DNAH5: variants seen among roughly 807,000 people sequenced by gnomAD.
DNAH5 encodes the protein dynein axonemal heavy chain 5.
A neutral mutation model predicts 518.2 loss-of-function variants in DNAH5; 372 were observed. The observed-to-expected ratio is 0.72, with a 90% confidence interval of 0.66 to 0.78. DNAH5 has a LOEUF of 0.78. DNAH5 is among the 30% of genes least tolerant of loss of function. The pLI is 0.00. For synonymous variants in DNAH5, 2,039 were observed against 2,025.9 expected (o/e 1.01, Z -0.17); for missense variants, 5,523 against 5,687.0 (o/e 0.97, Z 0.93).
chr5:13,892,658 T>C (rs1050467458), intron 16 of DNAH5, among the ~76,000 whole-genome samples: 1 of 152,234 alleles, frequency 6.6e-6, no homozygotes, highest in African/African-American at 2.4e-5. Context: ...AAATTGTTAA[T>C]ACTTTAATAC....
intron 31 of DNAH5, among the ~76,000 whole-genome samples, chr5:13,847,605 T>C (rs1766193133): frequency 6.6e-6 from 1 of 151,664 alleles, no homozygotes; most frequent in Non-Finnish European, 1.5e-5. Context: ...GCCCCTGTAT[T>C]CCCAGCTACT....
upstream of DNAH5, among the ~76,000 whole-genome samples, chr5:13,948,971 G>A (rs1279676946): frequency 2.0e-5 from 3 of 152,100 alleles, no homozygotes; most frequent in African/African-American, 7.2e-5. Context: ...CTCCTCTAGA[G>A]AAATCCTGGT....
At position 13,850,656 on chromosome 5, in the gene DNAH5, T is replaced by C. The variant is rs766353067; in HGVS notation, c.5110A>G (p.Thr1704Ala). 5.6e-6 allele frequency: 9 copies of C among 1,613,798 alleles called. No individual in the cohort carries two copies. In the East Asian group the frequency reaches 1.1e-4, roughly 20 times the overall value. Residue 1704 changes from threonine to alanine, a missense_variant, in exon 31 of 79, where the codon ACT (threonine) becomes GCT (alanine). By Grantham distance (58) the Thr-to-Ala change is moderately conservative (BLOSUM62 0). Around this residue, in one of 3 missense-constraint regions of DNAH5, gnomAD observed 5,121 missense variants for 5,223.3 expected, o/e 0.98. Coordinates refer to ENST00000265104, the MANE Select transcript of DNAH5 (RefSeq NM_001369.3). ...DQLEICQKSL[T>A]GYLEKKRLCF... is the part of the protein sequence containing the mutation. ...TCAAAGAGCCAGTGAACTTACCCAG[T>C]AAGGGATTTCTGGCATATTTCCAAC... is the stretch of plus-strand genomic sequence containing the variant.
In DNAH5 at chr5:13,754,340, TAACA is replaced by T. The variant is rs1414116795; in HGVS notation, c.10420-6_10420-3del. The T allele has an allele frequency of 6.2e-7, 1 of 1,614,100 alleles. No individual in the cohort carries two copies. Among genetic ancestry groups the T allele is most frequent in the Non-Finnish European group, 8.5e-7 (1 of 1,179,962 alleles). ...TCGCTCTGCATCTTCAAGCAAGGTC[TAACA>T]AAGGTCATAATCACAAGAAAGCTTT... On this transcript the variant is annotated splice_region_variant and splice_polypyrimidine_tract_variant and intron_variant, in intron 61 of 78. Coordinates refer to ENST00000265104, the MANE Select transcript of DNAH5 (RefSeq NM_001369.3).
chr5:13,901,914 A>T, intron 13 of DNAH5, 139 bp downstream of exon 13: 1 of 666,978 alleles, frequency 1.5e-6, no homozygotes, highest in African/African-American at 1.8e-5. Context: ...AAAAACTTAA[A>T]AACTATGACC....
rs113780581 is a variant in DNAH5 at position 13,720,926 on chromosome 5, T to C, written c.12279+74A>G. The C allele has an allele frequency of 1.2e-5, 19 of 1,601,334 alleles. No homozygotes were observed. In the African/African-American group the frequency reaches 1.7e-4, roughly 15 times the overall value. On this transcript the variant is annotated intron_variant, in intron 71 of 78. Transcript: ENST00000265104. Reference sequence around the variant, plus strand: ...AAATTTAAACTCCTAATGATTTATATTTTTCTTCTGCATTGCTATTCTATA... The same window carrying C: ...AAATTTAAACTCCTAATGATTTATACTTTTCTTCTGCATTGCTATTCTATA...
Position 13,810,109 on chromosome 5 carries a change from G to A in DNAH5, c.7559C>T (p.Pro2520Leu), listed in dbSNP as rs1234844527. The change falls in exon 45 of 79, where the codon CCG becomes CTG. Residue 2520 changes from proline to leucine, a missense_variant. Around this residue, in one of 3 missense-constraint regions of DNAH5, gnomAD observed 5,121 missense variants for 5,223.3 expected, o/e 0.98. Coordinates refer to ENST00000265104, the MANE Select transcript of DNAH5 (RefSeq NM_001369.3). ...SRPTGTLELP[P>L]PAGPGDTAFD... ...GGCGGTGTCCCCGGGCCCCGCTGGC[G>A]GCGGCAGCTCCAGCGTCCCTGTGGG... 7.1e-6 allele frequency: 11 copies of A among 1,551,214 alleles called. No homozygotes were observed. The highest frequency in any genetic ancestry group is 1.4e-5 in the African/African-American group (1 of 73,262).
At chr5:13,833,131 C>CAAAAAAAAAAA (rs57578159) in intron 35 of DNAH5, among the ~76,000 whole-genome samples, 11 of 140,256 alleles carry the variant, frequency 7.8e-5, no homozygotes, top group African/African-American at 2.5e-4. Context: ...ATGTGTTATC[C>CAAAAAAAAAAA]AAAAAAAAAA....
rs912843469 is a variant in DNAH5, at chr5:13,737,528, A to T, written c.11212-33T>A. On this transcript the variant is annotated intron_variant, in intron 65 of 78. Coordinates refer to ENST00000265104, the MANE Select transcript of DNAH5 (RefSeq NM_001369.3). ...TTTGCATAAATATATTTTCTACCTC[A>T]ATTAACAACTCTTGTTGAGTATTCC... 7 of 1,606,542 alleles carry T rather than the reference A, an allele frequency of 4.4e-6. No individual in the cohort carries two copies. In the Admixed American group the frequency reaches 5.0e-5, roughly 12 times the overall value.
rs1774619263 is a variant in DNAH5, at chr5:13,901,479, T to C, written c.1825A>G (p.Lys609Glu). Residue 609 changes from lysine to glutamate, a missense_variant, in exon 14 of 79, where the codon AAG becomes GAG. Lys to Glu is a moderately conservative substitution (Grantham distance 56). Coordinates refer to ENST00000265104, the MANE Select transcript of DNAH5 (RefSeq NM_001369.3). ...GCCAGAGGAGGATCGTATTTCTGCT[T>C]TGTATACAGCTTTGAAATCATATCA... ...DIDMISKLYTKQKYDPPLARN... is the reference protein window; with the variant it reads ...DIDMISKLYTEQKYDPPLARN... 6.2e-7 allele frequency: 1 copy of C among 1,613,828 alleles called. No individual in the cohort carries two copies.
Position 13,841,805 on chromosome 5 carries a change from A to T in DNAH5, c.5371T>A (p.Ser1791Thr). Reference sequence around the variant, plus strand: ...GAGGACTGAGATTCTTCCAAAAGAGAATTAAGCCAAACTTCCACATTGCCC... The same window carrying T: ...GAGGACTGAGATTCTTCCAAAAGAGTATTAAGCCAAACTTCCACATTGCCC... Reference protein sequence around the residue: ...AEGNVEVWLNSLLEESQSSLH... With the variant: ...AEGNVEVWLNTLLEESQSSLH... The change falls in exon 33 of 79, where the codon TCT (serine) becomes ACT (threonine). Residue 1791 changes from serine to threonine, a missense_variant. Physicochemically the swap from Ser to Thr is moderately conservative, Grantham distance 58. Transcript: ENST00000265104. 1 of 1,613,638 alleles carries T rather than the reference A, an allele frequency of 6.2e-7. No individual in the cohort carries two copies. Among genetic ancestry groups the T allele is most frequent in the Non-Finnish European group, 8.5e-7 (1 of 1,179,712 alleles).
intron 61 of DNAH5, among the ~76,000 whole-genome samples, chr5:13,755,134 A>G (rs2126710346): frequency 6.6e-6 from 1 of 152,190 alleles, no homozygotes; most frequent in Admixed American, 6.5e-5. Context: ...ACAAAAAGCA[A>G]AAAACAAATG....
chr5:13,696,961 T>A (rs1741471565), intron 78 of DNAH5, among the ~76,000 whole-genome samples: 1 of 152,188 alleles, frequency 6.6e-6, no homozygotes, highest in Non-Finnish European at 1.5e-5. Context: ...TCTATAAAAA[T>A]CTGTTCTTAA....
rs551770739 is a variant in DNAH5, at chr5:13,943,567, G to A, written c.57+815C>T. Reference sequence around the variant, plus strand: ...TCTAGCAAGCAAGTTCAGGGGCTTGGCTGCAAGACGTTCACCTTGGGAAGG... The same window carrying A: ...TCTAGCAAGCAAGTTCAGGGGCTTGACTGCAAGACGTTCACCTTGGGAAGG... On this transcript the variant is annotated intron_variant, in intron 1 of 78. Coordinates refer to ENST00000265104, the MANE Select transcript of DNAH5 (RefSeq NM_001369.3). Among the ~76,000 whole-genome samples the A allele has an allele frequency of 1.8e-4, 27 of 152,320 alleles. 1 individual carries two copies. Among genetic ancestry groups the A allele is most frequent in the Middle Eastern group, 6.8e-3 (2 of 294 alleles).
intron 65 of DNAH5, among the ~76,000 whole-genome samples, chr5:13,743,331 T>C (rs1253539927): frequency 6.6e-6 from 1 of 152,036 alleles, no homozygotes; most frequent in Non-Finnish European, 1.5e-5. Flanking sequence ...AAGTAAGAAA[T>C]AGATCAAAGA....
rs1200951746 is a variant in DNAH5 at position 13,708,325 on chromosome 5, C to T, written c.13136G>A (p.Arg4379Lys). The T allele has an allele frequency of 6.2e-7, 1 of 1,613,980 alleles. No homozygotes were observed. The highest frequency in any genetic ancestry group is 8.5e-7 in the Non-Finnish European group (1 of 1,180,000). ...PDYVPFEVKERLQKMGPFQPM... is the reference protein window; with the variant it reads ...PDYVPFEVKEKLQKMGPFQPM... The stretch of plus-strand genomic sequence containing the variant: ...CTGGAATGGCCCCATCTTCTGCAGC[C>T]TCTCTTTTACCTGCCATGGAGACAT... Residue 4379 changes from arginine to lysine, a missense_variant, in exon 76 of 79, where the codon AGG becomes AAG. Arg to Lys is a conservative substitution (Grantham distance 26, BLOSUM62 2). This residue lies in a region of DNAH5 where 387 missense variants were observed against 430.0 expected (regional missense o/e 0.90). Coordinates refer to ENST00000265104, the MANE Select transcript of DNAH5 (RefSeq NM_001369.3).
rs1771511861 is a variant in DNAH5, at chr5:13,880,550, A to G, written c.3262+2178T>C. Among the ~76,000 whole-genome samples the G allele has an allele frequency of 1.3e-5, 2 of 152,120 alleles. 1 individual carries two copies. The highest frequency in any genetic ancestry group is 4.1e-4 in the South Asian group (2 of 4,836). ...TGTAAAATGTGACACCAAAAACTTA[A>G]AATGTATGAGGTGGGGAGTAAAAGT... On this transcript the variant is annotated intron_variant, in intron 21 of 78. Transcript: ENST00000265104.
Position 13,885,961 on chromosome 5 carries a change from T to C in DNAH5, c.2743+3A>G, listed in dbSNP as rs752170130. Reference sequence around the variant, plus strand: ...AAGACCCTTTCATTACCCCATCTCTTACCTGAACTTTCATTTTTGTAATTA... The same window carrying C: ...AAGACCCTTTCATTACCCCATCTCTCACCTGAACTTTCATTTTTGTAATTA... On this transcript the variant is annotated splice_donor_region_variant and intron_variant, in intron 18 of 78. Transcript: ENST00000265104. 14 of 1,612,242 alleles carry C rather than the reference T, an allele frequency of 8.7e-6. No individual in the cohort carries two copies. The Admixed American group carries it at 2.3e-4, about 27-fold the overall frequency.
At chr5:13,879,879 G>GGCAACT (rs1554088613) in intron 21 of DNAH5, among the ~76,000 whole-genome samples, 1 of 151,238 alleles carries the variant, frequency 6.6e-6, no homozygotes, top group Non-Finnish European at 1.5e-5. Flanking sequence ...GAAAGACAGA[G>GGCAACT]GAAACATACT....
Sources: allele counts gnomAD v4.1 joint callset (sites outside exome capture counted in the v4.1 genomes callset), GRCh38; gene constraint gnomAD v4.1.1; regional missense constraint gnomAD v4.1.1; transcripts MANE v1.5; gene names NCBI Gene and HGNC (gene_info 2026-07-23, HGNC 2026-07-21).